NEIL1: variants seen among roughly 807,000 people sequenced by gnomAD.
NEIL1 encodes the protein endonuclease 8-like 1.
Under a neutral mutation model 44.2 loss-of-function variants are expected in NEIL1, and 31 were observed. The ratio of observed to expected loss-of-function variants is 0.70; its 90% CI spans 0.53 to 0.95. The LOEUF (loss-of-function observed/expected upper bound fraction) is 0.95, where lower values mean the gene tolerates loss of function less well. Ranked by LOEUF, NEIL1 falls within the 40% of genes least tolerant of loss-of-function variation. The pLI, the probability that NEIL1 is intolerant of heterozygous loss-of-function variation, is 0.00. For synonymous variants in NEIL1, 254 were observed against 209.7 expected (o/e 1.21, Z -1.83); for missense variants, 549 against 515.5 (o/e 1.07, Z -0.63).
chr15:75,355,033 A>C lies in NEIL1; in HGVS notation c.1172A>C (p.Ter391SerextTer59). ...GAACCAGAGGGGACCTCAGCCTCTT[A>C]GCAGGAGGCTCTCCTTGCTTGCACT... ...SLEPEGTSAS[*>S] The change falls in exon 10 of 10, where the codon TAG becomes TCG. Residue 391 changes from the stop codon to serine, a stop_lost. Transcript: ENST00000355059. The C allele has an allele frequency of 6.2e-7, 1 of 1,613,152 alleles. No homozygotes were observed. Among genetic ancestry groups the C allele is most frequent in the Non-Finnish European group, 8.5e-7 (1 of 1,179,330 alleles).
chr15:75,356,519 G>A lies in NEIL1; in HGVS notation c.*1485G>A. The A allele has an allele frequency of 6.4e-7, 1 of 1,556,994 alleles. No homozygotes were observed. The highest frequency in any genetic ancestry group is 8.7e-7 in the Non-Finnish European group (1 of 1,149,720). ...CCCTCCCCTGTCCCTAGAAGGGGCA[G>A]GAAGCCAGGTTGCTGGGGTTTGGGC... On this transcript the variant is annotated 3_prime_UTR_variant, in exon 10 of 10. Coordinates refer to ENST00000355059, the MANE Select transcript of NEIL1 (RefSeq NM_024608.4). This position sits in a 1 kb window ranked among gnomAD's most constrained non-coding sequence, Gnocchi z 5.8.
At position 75,354,636 on chromosome 15, in the gene NEIL1, G is replaced by A. The variant is rs372822879; in HGVS notation, c.937-17G>A. 178 of 1,613,888 alleles carry A rather than the reference G, an allele frequency of 1.1e-4. No homozygotes were observed. Among genetic ancestry groups the A allele is most frequent in the Admixed American group, 3.0e-4 (18 of 59,990 alleles). On this transcript the variant is annotated splice_polypyrimidine_tract_variant and intron_variant, in intron 8 of 9. Transcript: ENST00000355059. ...TGCTTTCTGAGCCCCTCAGGGACCCGTGTCTCCTCCATCCAGGACGCTTTG... is the reference window on the plus strand; with the variant it reads ...TGCTTTCTGAGCCCCTCAGGGACCCATGTCTCCTCCATCCAGGACGCTTTG...
At position 75,349,187 on chromosome 15, in the gene NEIL1, A is replaced by G. The variant is rs917485337; in HGVS notation, c.282A>G (p.Pro94=). The change falls in exon 2 of 10, where the codon CCA becomes CCG. Residue 94 remains proline, a synonymous_variant. Transcript: ENST00000355059. The part of the protein sequence containing the change: ...SFQLVPREEL[P]RHAHLRFYTA... ...AGCTGGTGCCCCGCGAGGAGCTGCC[A>G]CGCCATGCCCACCTGCGCTTTTACA... is the stretch of plus-strand genomic sequence containing the variant. 3.1e-6 allele frequency: 5 copies of G among 1,609,028 alleles called. No individual in the cohort carries two copies. In the African/African-American group the frequency reaches 5.3e-5, roughly 17 times the overall value.
chr15:75,352,036 A>AGTTT, intron 2 of NEIL1, 75 bp from the exon 3 acceptor site: 1 of 1,468,014 alleles, frequency 6.8e-7, no homozygotes, highest in Non-Finnish European at 9.5e-7. Context: ...ACCCAGAAAC[A>AGTTT]GGTTCTCTGA....
At position 75,355,905 on chromosome 15, in the gene NEIL1, C is replaced by G; in HGVS notation, c.*871C>G. On this transcript the variant is annotated 3_prime_UTR_variant, in exon 10 of 10. Coordinates refer to ENST00000355059, the MANE Select transcript of NEIL1 (RefSeq NM_024608.4). ...ACAAACAAAACCCCAGCCCCAGGGACTCAGTGTGGCGGAGGCTGAAGCACG... is the reference window on the plus strand; with the variant it reads ...ACAAACAAAACCCCAGCCCCAGGGAGTCAGTGTGGCGGAGGCTGAAGCACG... 6.2e-7 allele frequency: 1 copy of G among 1,614,182 alleles called. No homozygotes were observed. Among genetic ancestry groups the G allele is most frequent in the Non-Finnish European group, 8.5e-7 (1 of 1,180,038 alleles).
chr15:75,349,248 G>C lies in NEIL1; in HGVS notation c.343G>C (p.Val115Leu). Reference sequence around the variant, plus strand: ...TGGCCCCCGGCTCGCCCTATGTTTCGTGGACATCCGCCGGTTCGGCCGCTG... The same window carrying C: ...TGGCCCCCGGCTCGCCCTATGTTTCCTGGACATCCGCCGGTTCGGCCGCTG... ...PPGPRLALCF[V>L]DIRRFGRWDL... The change falls in exon 2 of 10, where the codon GTG (valine) becomes CTG (leucine). Residue 115 changes from valine to leucine, a missense_variant. Val to Leu is a conservative substitution (Grantham distance 32). Transcript: ENST00000355059. The C allele has an allele frequency of 6.2e-7, 1 of 1,611,162 alleles. No homozygotes were observed. Among genetic ancestry groups the C allele is most frequent in the Non-Finnish European group, 8.5e-7 (1 of 1,179,870 alleles).
rs1365731584 is a variant in NEIL1, at chr15:75,348,981, T to TGCGTGGAGAAGTCCTCTGTCAGCC, written c.79_102dup (p.Val27_Arg34dup). ...CTGCAGGGCGCTGGTGTTCGGCGGC[T>TGCGTGGAGAAGTCCTCTGTCAGCC]GCGTGGAGAAGTCCTCTGTCAGCCG... On this transcript the variant is annotated inframe_insertion, in exon 2 of 10. Transcript: ENST00000355059. The TGCGTGGAGAAGTCCTCTGTCAGCC allele has an allele frequency of 3.1e-6, 5 of 1,613,576 alleles. No individual in the cohort carries two copies. The South Asian group carries it at 4.4e-5, about 14-fold the overall frequency.
chr15:75,356,287 G>A lies in NEIL1; in HGVS notation c.*1253G>A, dbSNP rs372102488. 3.5e-4 allele frequency: 557 copies of A among 1,609,582 alleles called. 2 individuals are homozygous for A. The East Asian group carries it at 4.3e-3, about 13-fold the overall frequency. ...CAGTTCGGAACCCCGTCCCCAGCAC[G>A]TCCCACCCCTTGCCTGCTTGACGGT... is the stretch of plus-strand genomic sequence containing the variant. On this transcript the variant is annotated 3_prime_UTR_variant, in exon 10 of 10. Coordinates refer to ENST00000355059, the MANE Select transcript of NEIL1 (RefSeq NM_024608.4). The surrounding 1 kb of genome is among the most constrained non-coding windows in gnomAD (Gnocchi z 5.8).
chr15:75,355,121 T>C lies in NEIL1; in HGVS notation c.*87T>C. The C allele has an allele frequency of 8.4e-7, 1 of 1,186,764 alleles. No homozygotes were observed. The highest frequency in any genetic ancestry group is 1.2e-6 in the Non-Finnish European group (1 of 821,498). The allele number at this position is 1,186,764 out of a possible 1,614,324, so 73.5% of individuals were successfully genotyped here. On this transcript the variant is annotated 3_prime_UTR_variant, in exon 10 of 10. Transcript: ENST00000355059. ...TGAATTTTTGGGAGCAGGCAATATC[T>C]GAAGGTGCAAACAGGCCCTACGGCT...
In NEIL1 at chr15:75,355,771, T is replaced by G; in HGVS notation, c.*737T>G. The G allele has an allele frequency of 1.3e-5, 8 of 625,808 alleles. No homozygotes were observed. Among genetic ancestry groups the G allele is most frequent in the African/African-American group, 4.1e-5 (2 of 48,218 alleles). 38.8% of individuals were successfully genotyped at this position (625,808 alleles called of 1,614,324 possible). ...CCACCCCAAGCGTGAGGATGGGCCC[T>G]AAGGGGACTGAGCAGCAGGGTTCCC... is the stretch of plus-strand genomic sequence containing the variant. On this transcript the variant is annotated 3_prime_UTR_variant, in exon 10 of 10. Transcript: ENST00000355059.
chr15:75,347,971 C>T lies in NEIL1; in HGVS notation c.-23+498C>T, dbSNP rs1410039827. On this transcript the variant is annotated intron_variant, in intron 1 of 9. Coordinates refer to ENST00000355059, the MANE Select transcript of NEIL1 (RefSeq NM_024608.4). ...CCTTCCACTTAAGGCACACCTTCGC[C>T]TCCGATTCCGAACCGCCCGGGGACA... is the stretch of plus-strand genomic sequence containing the variant. The T allele has an allele frequency of 4.8e-6, 6 of 1,245,522 alleles. No homozygotes were observed. The Admixed American group carries it at 9.6e-5, about 20-fold the overall frequency. 77.2% of individuals were successfully genotyped at this position (1,245,522 alleles called of 1,614,324 possible).
rs1410182016 is a variant in NEIL1, at chr15:75,356,562, G to A, written c.*1528G>A. On this transcript the variant is annotated 3_prime_UTR_variant, in exon 10 of 10. Coordinates refer to ENST00000355059, the MANE Select transcript of NEIL1 (RefSeq NM_024608.4). The surrounding 1 kb of genome is among the most constrained non-coding windows in gnomAD (Gnocchi z 5.8). ...GTTTGGGCTCAGGGAAGGGCAGAGA[G>A]GTGTCTAGGGCTGCAGGAAGGCCCC... 2.6e-6 allele frequency: 4 copies of A among 1,550,806 alleles called. No individual in the cohort carries two copies. The highest frequency in any genetic ancestry group is 8.7e-7 in the Non-Finnish European group (1 of 1,146,318).
chr15:75,356,057 G>A lies in NEIL1; in HGVS notation c.*1023G>A, dbSNP rs1473313660. 1 of 1,613,736 alleles carries A rather than the reference G, an allele frequency of 6.2e-7. No homozygotes were observed. Among genetic ancestry groups the A allele is most frequent in the Non-Finnish European group, 8.5e-7 (1 of 1,179,834 alleles). ...GCTGGAGAACAGGAGGGGCCATGAA[G>A]GCTCTGCGAGGGCGAGACTCGACCC... On this transcript the variant is annotated 3_prime_UTR_variant, in exon 10 of 10. Coordinates refer to ENST00000355059, the MANE Select transcript of NEIL1 (RefSeq NM_024608.4). The surrounding 1 kb of genome is among the most constrained non-coding windows in gnomAD (Gnocchi z 5.8).
chr15:75,348,376 G>A (rs539154758), intron 1 of NEIL1: 4 of 989,450 alleles, frequency 4.0e-6, no homozygotes, highest in Non-Finnish European at 4.8e-6. Flanking sequence ...GTGGGGGGAG[G>A]GGGGCGCAGG....
At chr15:75,352,815 T>C (rs892911822) in intron 5 of NEIL1, 114 bp downstream of exon 5, 26 of 821,940 alleles carry the variant, frequency 3.2e-5, no homozygotes, top group African/African-American at 1.8e-4. Flanking sequence ...CCCTAGCTGA[T>C]ACTCAATGGA....
Position 75,352,309 on chromosome 15 carries a change from T to C in NEIL1, c.555-15T>C, listed in dbSNP as rs1422307997. 1 of 1,614,132 alleles carries C rather than the reference T, an allele frequency of 6.2e-7. No homozygotes were observed. Among genetic ancestry groups the C allele is most frequent in the Admixed American group, 1.7e-5 (1 of 60,022 alleles). The stretch of plus-strand genomic sequence containing the variant: ...TCCCCACTGCCTAGCATGGCTTGCC[T>C]TGCCCCCACTACAGGCTGAAGATCC... On this transcript the variant is annotated splice_polypyrimidine_tract_variant and intron_variant, in intron 3 of 9. Coordinates refer to ENST00000355059, the MANE Select transcript of NEIL1 (RefSeq NM_024608.4).
intron 1 of NEIL1, chr15:75,348,294 G>T (rs1406135624): frequency 1.0e-6 from 1 of 983,432 alleles, no homozygotes; most frequent in African/African-American, 1.7e-5. Flanking sequence ...CGCTCCCGCC[G>T]CTCCCCCGCG....
In NEIL1 at chr15:75,355,448, G is replaced by A. The variant is rs1365616493; in HGVS notation, c.*414G>A. On this transcript the variant is annotated 3_prime_UTR_variant, in exon 10 of 10. Coordinates refer to ENST00000355059, the MANE Select transcript of NEIL1 (RefSeq NM_024608.4). Reference sequence around the variant, plus strand: ...AAAGACCCTGGCCCCAGGCAGCCCAGGAGCCAGAGCTCCTCCAGTCCAGAT... The same window carrying A: ...AAAGACCCTGGCCCCAGGCAGCCCAAGAGCCAGAGCTCCTCCAGTCCAGAT... 1 of 226,044 alleles carries A rather than the reference G, an allele frequency of 4.4e-6. No homozygotes were observed. Among genetic ancestry groups the A allele is most frequent in the Admixed American group, 5.2e-5 (1 of 19,050 alleles). The allele number at this position is 226,044 out of a possible 1,614,324, so 14.0% of individuals were successfully genotyped here. A position where few individuals can be genotyped will look rare whatever the true frequency, so the allele number is the denominator to read the frequency against.
rs752319800 is a variant in NEIL1, at chr15:75,349,257, C to T, written c.352C>T (p.Arg118Cys). 4 of 1,611,406 alleles carry T rather than the reference C, an allele frequency of 2.5e-6. No homozygotes were observed. Among genetic ancestry groups the T allele is most frequent in the Middle Eastern group, 1.7e-4 (1 of 6,048 alleles). Residue 118 changes from arginine to cysteine, a missense_variant, in exon 2 of 10, where the codon CGC becomes TGC. Coordinates refer to ENST00000355059, the MANE Select transcript of NEIL1 (RefSeq NM_024608.4). ...GCTCGCCCTATGTTTCGTGGACATC[C>T]GCCGGTTCGGCCGCTGGGACCTTGG... The part of the protein sequence containing the change: ...PRLALCFVDI[R>C]RFGRWDLGGK...
Sources: allele counts gnomAD v4.1 joint callset, GRCh38; gene constraint gnomAD v4.1.1; non-coding constraint Gnocchi (gnomAD v3.1); transcripts MANE v1.5; gene names NCBI Gene and HGNC (gene_info 2026-07-23, HGNC 2026-07-21).